Variants in PRAG1 observed in about 807,000 individuals in gnomAD.
The protein encoded by PRAG1 is PEAK1 related, kinase-activating pseudokinase 1.
A neutral mutation model predicts 95.6 loss-of-function variants in PRAG1; 110 were observed. That is an observed-to-expected ratio of 1.15 (90% CI 0.99 to 1.35). The LOEUF (loss-of-function observed/expected upper bound fraction) is 1.35. Ranked by LOEUF, PRAG1 falls within the 40% of genes most tolerant of loss-of-function variation. The pLI, the probability that PRAG1 is intolerant of heterozygous loss-of-function variation, is 0.00. For missense variants in PRAG1, 2,554 were observed against 1,864.7 expected (o/e 1.37, Z -6.81); for synonymous variants, 1,052 against 819.4 (o/e 1.28, Z -4.85).
rs369760194 is a variant in PRAG1, at chr8:8,318,421, G to A, written c.3954C>T (p.Ile1318=). The A allele has an allele frequency of 1.9e-5, 31 of 1,612,848 alleles. No homozygotes were observed. Among genetic ancestry groups the A allele is most frequent in the African/African-American group, 9.3e-5 (7 of 74,944 alleles). Reference sequence around the variant, plus strand: ...ACTGCAGCACGCGCTTGGCCTCGCCGATGCGGATACGCTTGATGGGGTCGG... The same window carrying A: ...ACTGCAGCACGCGCTTGGCCTCGCCAATGCGGATACGCTTGATGGGGTCGG... ...LEADPIKRIR[I]GEAKRVLQCL... is the part of the protein sequence containing the mutation. Residue 1318 remains isoleucine (I), a synonymous_variant, in exon 6 of 6, where the codon ATC becomes ATT. Transcript: ENST00000615670. The surrounding 1 kb of genome is among the most constrained non-coding windows in gnomAD (Gnocchi z 4.2).
At chr8:8,361,740 A>G (rs1799853577) in intron 3 of PRAG1, among the ~76,000 whole-genome samples, 1 of 152,224 alleles carries the variant, frequency 6.6e-6, no homozygotes, top group Non-Finnish European at 1.5e-5. Context: ...TGACAGACTC[A>G]ATCTTCATCT....
At position 8,355,836 on chromosome 8, in the gene PRAG1, T is replaced by C. The variant is rs111558609; in HGVS notation, c.2163-16201A>G. Among the ~76,000 whole-genome samples the C allele has an allele frequency of 3.4e-3, 510 of 152,220 alleles. 3 individuals carry two copies. Among genetic ancestry groups the C allele is most frequent in the African/African-American group, 0.011 (458 of 41,536 alleles). ...GTCATAAAACTATGAGAAAAGAACA[T>C]AGGAAAATCTATTTGATATTGGCCT... is the stretch of plus-strand genomic sequence containing the variant. On this transcript the variant is annotated intron_variant, in intron 3 of 5. Transcript: ENST00000615670.
At chr8:8,342,284 C>T (rs534172314) in intron 3 of PRAG1, among the ~76,000 whole-genome samples, 1 of 151,192 alleles carries the variant, frequency 6.6e-6, no homozygotes, top group Admixed American at 6.6e-5. Flanking sequence ...GCTACGCCTC[C>T]CGGGTTCACG....
At chr8:8,353,631 A>T (rs1365469093) in intron 3 of PRAG1, among the ~76,000 whole-genome samples, 1 of 152,218 alleles carries the variant, frequency 6.6e-6, no homozygotes, top group East Asian at 1.9e-4. Flanking sequence ...GTATAACATT[A>T]TATACCTCAA....
intron 4 of PRAG1, among the ~76,000 whole-genome samples, chr8:8,329,468 G>C (rs749308900): frequency 3.9e-5 from 6 of 152,020 alleles, no homozygotes; most frequent in Admixed American, 6.6e-5. Flanking sequence ...AGTTCTCCAT[G>C]CCACATCACC....
intron 3 of PRAG1, among the ~76,000 whole-genome samples, chr8:8,348,761 T>A (rs904929450): frequency 3.3e-5 from 5 of 152,160 alleles, no homozygotes; most frequent in South Asian, 2.1e-4. Context: ...CTGCACTGAG[T>A]CTGAATCACA....
chr8:8,361,620 T>A (rs1310631654), intron 3 of PRAG1, among the ~76,000 whole-genome samples: 2 of 152,238 alleles, frequency 1.3e-5, no homozygotes, highest in African/African-American at 4.8e-5. Context: ...TATTTCTTCT[T>A]GTGATGCAGG....
At chr8:8,355,945 CCTT>C (rs1413707672) in intron 3 of PRAG1, among the ~76,000 whole-genome samples, 1 of 152,136 alleles carries the variant, frequency 6.6e-6, no homozygotes, top group Non-Finnish European at 1.5e-5. Flanking sequence ...AAACAGAAAA[CCTT>C]CTGCACAGCA....
Position 8,317,899 on chromosome 8 carries a change from G to A in PRAG1, c.*255C>T. The A allele has an allele frequency of 3.4e-6, 1 of 289,996 alleles. No individual in the cohort carries two copies. The highest frequency in any genetic ancestry group is 6.2e-6 in the Non-Finnish European group (1 of 162,222). The allele number at this position is 289,996 out of a possible 1,614,324, so 18.0% of individuals were successfully genotyped here. A position where few individuals can be genotyped will look rare whatever the true frequency, so the allele number is the denominator to read the frequency against. On this transcript the variant is annotated 3_prime_UTR_variant, in exon 6 of 6. Transcript: ENST00000615670. ...TGTCCTCAGGACGTTGCATGGAACT[G>A]GAAATGTGTATAATTACAGAAGAAA...
In PRAG1 at chr8:8,376,872, C is replaced by T; in HGVS notation, c.1537G>A (p.Gly513Ser). 1 of 1,613,244 alleles carries T rather than the reference C, an allele frequency of 6.2e-7. No homozygotes were observed. The highest frequency in any genetic ancestry group is 8.5e-7 in the Non-Finnish European group (1 of 1,180,038). ...RGPVSQNSEV[G>S]EEETSAGQGL... ...TGCCCAGCCGAAGTCTCCTCTTCAC[C>T]TACCTCGGAGTTCTGGCTCACAGGC... Residue 513 changes from glycine (G) to serine (S), a missense_variant, in exon 3 of 6, where the codon GGT becomes AGT. Gly to Ser is a moderately conservative substitution (Grantham distance 56). Coordinates refer to ENST00000615670, the MANE Select transcript of PRAG1 (RefSeq NM_001080826.3).
At position 8,318,330 on chromosome 8, in the gene PRAG1, C is replaced by G. The variant is rs779727371; in HGVS notation, c.4045G>C (p.Gly1349Arg). The G allele has an allele frequency of 6.2e-6, 10 of 1,614,128 alleles. No homozygotes were observed. Among genetic ancestry groups the G allele is most frequent in the Non-Finnish European group, 8.5e-6 (10 of 1,179,980 alleles). Residue 1349 changes from glycine (G) to arginine (R), a missense_variant, in exon 6 of 6, where the codon GGC (glycine) becomes CGC (arginine). Coordinates refer to ENST00000615670, the MANE Select transcript of PRAG1 (RefSeq NM_001080826.3). The surrounding 1 kb of genome is among the most constrained non-coding windows in gnomAD (Gnocchi z 4.2). ...ATGTCGATCCAGTTGTGCAGCGTGC[C>G]GCACAGCGCCTCCTCCGAGGTGCCC... The part of the protein sequence containing the change: ...QPGTSEEALC[G>R]TLHNWIDMKR...
chr8:8,374,605 T>G, intron 3 of PRAG1: 1 of 956,400 alleles, frequency 1.0e-6, no homozygotes, highest in Non-Finnish European at 1.2e-6. Flanking sequence ...TTCTTTTAAA[T>G]CCATCCCTGG....
chr8:8,329,022 C>G (rs1038319073), intron 4 of PRAG1, among the ~76,000 whole-genome samples: 1 of 152,130 alleles, frequency 6.6e-6, no homozygotes, highest in African/African-American at 2.4e-5. Flanking sequence ...ACAGCAATAA[C>G]AAACTCGAAC....
chr8:8,352,173 A>G (rs902265500), intron 3 of PRAG1, among the ~76,000 whole-genome samples: 1 of 152,218 alleles, frequency 6.6e-6, no homozygotes, highest in African/African-American at 2.4e-5. Flanking sequence ...CAAAGCTCTT[A>G]GGATGAGCTA....
rs778398116 is a variant in PRAG1 at position 8,381,742 on chromosome 8, G to A, written c.6C>T (p.His2=). M[H]QTLCLNPESL... is the part of the protein sequence containing the mutation. ...TCTCGGGGTTCAGGCAGAGGGTCTG[G>A]TGCATCTTGAGCCGACAGGGTGCTG... The change falls in exon 2 of 6, where the codon CAC becomes CAT. Residue 2 remains histidine, a synonymous_variant. Coordinates refer to ENST00000615670, the MANE Select transcript of PRAG1 (RefSeq NM_001080826.3). 1.3e-6 allele frequency: 2 copies of A among 1,584,116 alleles called. No individual in the cohort carries two copies. Among genetic ancestry groups the A allele is most frequent in the East Asian group, 2.3e-5 (1 of 44,376 alleles).
At chr8:8,348,825 A>G (rs2116860542) in intron 3 of PRAG1, among the ~76,000 whole-genome samples, 1 of 152,302 alleles carries the variant, frequency 6.6e-6, no homozygotes, top group South Asian at 2.1e-4. Context: ...GTTTGATGTG[A>G]AATAGGCTTG....
intron 4 of PRAG1, among the ~76,000 whole-genome samples, chr8:8,339,049 C>T (rs1437476326): frequency 6.6e-6 from 1 of 151,956 alleles, no homozygotes; most frequent in Non-Finnish European, 1.5e-5. Flanking sequence ...TAAACATCTG[C>T]TGTGTCCAGT....
rs142121457 is a variant in PRAG1 at position 8,327,965 on chromosome 8, G to A, written c.2817C>T (p.His939=). The A allele has an allele frequency of 1.5e-3, 2,414 of 1,606,568 alleles. 3 individuals are homozygous for A. Among genetic ancestry groups the A allele is most frequent in the Admixed American group, 2.0e-3 (121 of 59,518 alleles). ...TGCTGCTGATGTTGCTCAGGAGACC[G>A]TGCAGCTGAAGCTGGGTGCTCCCGG... ...ASTGSTQLQL[H]GLLSNISSKE... is the part of the protein sequence containing the mutation. Residue 939 remains histidine, a synonymous_variant, in exon 5 of 6, where the codon CAC becomes CAT. Transcript: ENST00000615670.
chr8:8,360,060 A>T (rs1026583768), intron 3 of PRAG1, among the ~76,000 whole-genome samples: 1 of 152,176 alleles, frequency 6.6e-6, no homozygotes. Flanking sequence ...GCAGCTCCTG[A>T]GTCAATCAAA....
Sources: allele counts gnomAD v4.1 joint callset (sites outside exome capture counted in the v4.1 genomes callset), GRCh38; gene constraint gnomAD v4.1.1; non-coding constraint Gnocchi (gnomAD v3.1); transcripts MANE v1.5; gene names NCBI Gene and HGNC (gene_info 2026-07-23, HGNC 2026-07-21).